GSG1L2: variants seen among roughly 807,000 people sequenced by gnomAD.
GSG1L2 encodes GSG1 like 2.
GSG1L2 carries 15 observed loss-of-function variants against 9.0 expected under a neutral mutation model. That is an observed-to-expected ratio of 1.67 (90% CI 1.12 to 2.57). The LOEUF is 2.57. GSG1L2 is among the 30% of genes most tolerant of loss of function. The pLI, the probability that GSG1L2 is intolerant of heterozygous loss-of-function variation, is 0.00. For synonymous variants in GSG1L2, 127 were observed against 57.9 expected (o/e 2.19, Z -5.41); for missense variants, 286 against 150.3 (o/e 1.90, Z -4.72).
Position 9,802,236 on chromosome 17 carries a change from G to A in GSG1L2, c.*150C>T, listed in dbSNP as rs2066499515. 5.5e-6 allele frequency: 3 copies of A among 547,734 alleles called. No individual in the cohort carries two copies. The highest frequency in any genetic ancestry group is 6.5e-6 in the Non-Finnish European group (2 of 307,982). The allele number at this position is 547,734 out of a possible 1,614,324, so 33.9% of individuals were successfully genotyped here. The stretch of plus-strand genomic sequence containing the variant: ...GGAATCAAAGGCTAAAGCCAAAGGT[G>A]TTTAGTAAAAGGTGAGATGTGGAGG... On this transcript the variant is annotated 3_prime_UTR_variant, in exon 5 of 5. Coordinates refer to ENST00000399363, the MANE Select transcript of GSG1L2 (RefSeq NM_001310219.2).
At chr17:9,813,943 T>A (rs1360076804) in intron 1 of GSG1L2, among the ~76,000 whole-genome samples, 2 of 115,846 alleles carry the variant, frequency 1.7e-5, no homozygotes, top group East Asian at 1.9e-3. Flanking sequence ...CACAGTTTTT[T>A]CTGTTTTTTT....
Position 9,818,501 on chromosome 17 carries a change from A to ATTTTTTTTTTTT in GSG1L2, c.310+3249_310+3260dup, listed in dbSNP as rs377057350. The stretch of plus-strand genomic sequence containing the variant: ...GGTGCACACCACCACACACAGCTAA[A>ATTTTTTTTTTTT]TTTTTTTTTTTTTTTTTTTTTTTTT... On this transcript the variant is annotated intron_variant, in intron 1 of 4. Transcript: ENST00000399363. 3.5e-4 allele frequency among the ~76,000 whole-genome samples: 29 copies of ATTTTTTTTTTTT among 82,800 alleles called. 2 individuals are homozygous for ATTTTTTTTTTTT. Among genetic ancestry groups the ATTTTTTTTTTTT allele is most frequent in the Non-Finnish European group, 5.3e-4 (24 of 45,584 alleles). 54.3% of individuals were successfully genotyped at this position (82,800 alleles called of 152,430 possible).
intron 1 of GSG1L2, among the ~76,000 whole-genome samples, chr17:9,814,027 C>A (rs575332811): frequency 6.6e-6 from 1 of 151,824 alleles, no homozygotes; most frequent in Non-Finnish European, 1.5e-5. Context: ...CTCTGCCTCC[C>A]GGGTTCAAGC....
At chr17:9,819,101 G>A (rs903847010) in intron 1 of GSG1L2, among the ~76,000 whole-genome samples, 3 of 152,140 alleles carry the variant, frequency 2.0e-5, no homozygotes, top group African/African-American at 7.2e-5. Flanking sequence ...CACCAGGGGG[G>A]CTTATTAGAA....
At chr17:9,803,401 C>T (rs2066505037) in intron 4 of GSG1L2, among the ~76,000 whole-genome samples, 2 of 152,230 alleles carry the variant, frequency 1.3e-5, no homozygotes, top group Admixed American at 6.5e-5. Context: ...CCGCGCCCGA[C>T]CAGCATCATT....
chr17:9,812,096 T>G (rs2066541544), intron 1 of GSG1L2, among the ~76,000 whole-genome samples: 1 of 152,206 alleles, frequency 6.6e-6, no homozygotes, highest in Non-Finnish European at 1.5e-5. Context: ...CATTTAAATC[T>G]TATTAGACTA....
At chr17:9,814,598 C>T (rs1009748490) in intron 1 of GSG1L2, among the ~76,000 whole-genome samples, 3 of 152,082 alleles carry the variant, frequency 2.0e-5, no homozygotes, top group Non-Finnish European at 2.9e-5. Context: ...CCTAGTGACC[C>T]CTTTGATGAA....
At chr17:9,816,912 G>GTGTGTGTGTATCTGTGTGTGTGTATC (rs1567711584) in intron 1 of GSG1L2, among the ~76,000 whole-genome samples, 27 of 41,412 alleles carry the variant, frequency 6.5e-4, no homozygotes, top group African/African-American at 2.5e-3. Flanking sequence ...GTGTGTATCT[G>GTGTGTGTGTATCTGTGTGTGTGTATC]TGTGTGTGTG....
intron 4 of GSG1L2, among the ~76,000 whole-genome samples, chr17:9,806,533 A>G (rs2066516894): frequency 1.3e-5 from 2 of 152,234 alleles, no homozygotes. Flanking sequence ...ACAAAACAAA[A>G]TGATACTGGA....
intron 1 of GSG1L2, among the ~76,000 whole-genome samples, chr17:9,815,622 G>A (rs1467166124): frequency 6.6e-6 from 1 of 152,132 alleles, no homozygotes; most frequent in South Asian, 2.1e-4. Context: ...AACATATTAC[G>A]GAATCTTTTC....
chr17:9,811,743 C>T (rs990773931), intron 1 of GSG1L2, among the ~76,000 whole-genome samples: 3 of 152,196 alleles, frequency 2.0e-5, no homozygotes, highest in African/African-American at 7.2e-5. Flanking sequence ...AAGTGACTTG[C>T]TCAAGACAGC....
chr17:9,804,909 G>A (rs2066511301), intron 4 of GSG1L2: 1 of 152,082 alleles, frequency 6.6e-6, no homozygotes, highest in South Asian at 2.1e-4. Flanking sequence ...ATCCTCAGAG[G>A]AATATGAGAA....
At position 9,820,882 on chromosome 17, in the gene GSG1L2, G is replaced by T. The variant is rs4791365; in HGVS notation, c.310+880C>A. 2.6e-5 allele frequency among the ~76,000 whole-genome samples: 4 copies of T among 151,926 alleles called. No homozygotes were observed. Among genetic ancestry groups the T allele is most frequent in the African/African-American group, 7.2e-5 (3 of 41,450 alleles). On this transcript the variant is annotated intron_variant, in intron 1 of 4. Transcript: ENST00000399363. This position sits in a 1 kb window ranked among gnomAD's most constrained non-coding sequence, Gnocchi z 4.9. ...GTTGCCTATGTTGCCAGGCTGGTCT[G>T]TAACTCCTGGTCTCAAGTGATTCTC...
At chr17:9,813,382 T>C (rs1166527935) in intron 1 of GSG1L2, among the ~76,000 whole-genome samples, 1 of 152,190 alleles carries the variant, frequency 6.6e-6, no homozygotes, top group Admixed American at 6.5e-5. Flanking sequence ...GTCACATGAC[T>C]GTCCATCTCA....
intron 1 of GSG1L2, among the ~76,000 whole-genome samples, chr17:9,818,249 G>T (rs964895341): frequency 6.6e-6 from 1 of 152,224 alleles, no homozygotes; most frequent in Non-Finnish European, 1.5e-5. Flanking sequence ...GGCAGAGGGG[G>T]AATCTGCCAA....
At chr17:9,809,082 A>G in intron 2 of GSG1L2, 100 bp from the exon 3 acceptor site, 1 of 648,972 alleles carries the variant, frequency 1.5e-6, no homozygotes, top group Non-Finnish European at 2.8e-6. Flanking sequence ...CAAAACATGA[A>G]AAACAGACAC....
In GSG1L2 at chr17:9,801,029, AT is replaced by A. The variant is rs953088756; in HGVS notation, c.*1356del. ...GAGCCACAAACACGAAGGTAGCTGGATTTTTTTTTTCATTTTTTTTATGACA... is the reference window on the plus strand; with the variant it reads ...GAGCCACAAACACGAAGGTAGCTGGATTTTTTTTTCATTTTTTTTATGACA... On this transcript the variant is annotated 3_prime_UTR_variant, in exon 5 of 5. Coordinates refer to ENST00000399363, the MANE Select transcript of GSG1L2 (RefSeq NM_001310219.2). 1.6e-3 allele frequency among the ~76,000 whole-genome samples: 245 copies of A among 150,472 alleles called. 1 individual carries two copies. The highest frequency in any genetic ancestry group is 2.3e-3 in the Non-Finnish European group (153 of 67,532).
chr17:9,808,756 T>C (rs2066525859), intron 3 of GSG1L2, 74 bp downstream of exon 3: 2 of 673,180 alleles, frequency 3.0e-6, no homozygotes, highest in East Asian at 2.7e-5. Flanking sequence ...TGTTCTTTGG[T>C]AATGAGCATG....
chr17:9,812,442 C>T (rs2066542914), intron 1 of GSG1L2, among the ~76,000 whole-genome samples: 1 of 152,084 alleles, frequency 6.6e-6, no homozygotes, highest in South Asian at 2.1e-4. Flanking sequence ...TCCCCAGCAC[C>T]ACCCAGCATT....
Sources: allele counts gnomAD v4.1 joint callset (sites outside exome capture counted in the v4.1 genomes callset), GRCh38; gene constraint gnomAD v4.1.1; non-coding constraint Gnocchi (gnomAD v3.1); transcripts MANE v1.5; gene names NCBI Gene and HGNC (gene_info 2026-07-23, HGNC 2026-07-21).